Variants in DDX43 observed in about 807,000 individuals in gnomAD.
DDX43 encodes probable ATP-dependent RNA helicase DDX43.
In DDX43, 50 loss-of-function variants were observed where a neutral mutation model predicts 84.9. The ratio of observed to expected loss-of-function variants is 0.59; its 90% CI spans 0.47 to 0.75. DDX43 has a LOEUF of 0.75. Ranked by LOEUF, DDX43 falls within the 30% of genes least tolerant of loss-of-function variation. The probability of loss-of-function intolerance (pLI) is 0.00; values close to 1 mark genes in which losing one functional copy is unlikely to be tolerated. For missense variants in DDX43, 689 were observed against 798.6 expected, an observed-to-expected ratio of 0.86 and a Z score of 1.65; for synonymous variants, 291 against 266.3, an observed-to-expected ratio of 1.09 and a Z score of -0.90.
chr6:73,395,270 A>G (rs1769443087), intron 1 of DDX43, 115 bp downstream of exon 1: 8 of 1,296,174 alleles, frequency 6.2e-6, no homozygotes, highest in South Asian at 4.5e-5. Context: ...AGTGAGGTTC[A>G]GGTCTCTCCC....
chr6:73,409,143 G>A (rs1031616668), intron 9 of DDX43, 105 bp from the exon 10 acceptor site: 377 of 830,442 alleles, frequency 4.5e-4, no homozygotes, highest in East Asian at 2.1e-3. Context: ...AAGTAATAGG[G>A]GAAATGAGAA....
In DDX43 at chr6:73,412,519, A is replaced by T. The variant is rs1173741073; in HGVS notation, c.1368+227A>T. On this transcript the variant is annotated intron_variant, in intron 11 of 16. Coordinates refer to ENST00000370336, the MANE Select transcript of DDX43 (RefSeq NM_018665.3). ...TATGTATAGAGAGAGAGAGAGAGAGAGTGTGTGTGTGTGTGTGTTTGTGTC... is the reference window on the plus strand; with the variant it reads ...TATGTATAGAGAGAGAGAGAGAGAGTGTGTGTGTGTGTGTGTGTTTGTGTC... Among the ~76,000 whole-genome samples the T allele has an allele frequency of 1.5e-3, 230 of 149,772 alleles. No individual in the cohort carries two copies. Among genetic ancestry groups the T allele is most frequent in the South Asian group, 2.5e-3 (12 of 4,746 alleles).
chr6:73,404,130 T>C (rs1486585739), intron 4 of DDX43, among the ~76,000 whole-genome samples: 1 of 151,078 alleles, frequency 6.6e-6, no homozygotes, highest in Non-Finnish European at 1.5e-5. Context: ...CCTTTTTTTT[T>C]CTGAGACAGA....
At chr6:73,414,310 C>A (rs1024035365) in intron 13 of DDX43, among the ~76,000 whole-genome samples, 1 of 152,150 alleles carries the variant, frequency 6.6e-6, no homozygotes, top group Non-Finnish European at 1.5e-5. Context: ...GAAAATATAT[C>A]TGAAGTTATC....
intron 1 of DDX43, among the ~76,000 whole-genome samples, chr6:73,395,613 CA>C (rs1203373712): frequency 2.1e-5 from 3 of 140,238 alleles, no homozygotes; most frequent in Non-Finnish European, 3.0e-5. Context: ...GACTCCGTCT[CA>C]ATTAAAAAAA....
chr6:73,409,006 T>C (rs533046249), intron 9 of DDX43, among the ~76,000 whole-genome samples: 2 of 152,374 alleles, frequency 1.3e-5, no homozygotes, highest in East Asian at 3.9e-4. Context: ...TTGGATATTT[T>C]AGACACTTAA....
chr6:73,404,784 A>T lies in DDX43; in HGVS notation c.650+13A>T. ...CAGATAGTTGGAGGTGGGTAGTTTC[A>T]TTACCTAGTTGTGTAAGTATTTGTA... On this transcript the variant is annotated intron_variant, in intron 5 of 16. Coordinates refer to ENST00000370336, the MANE Select transcript of DDX43 (RefSeq NM_018665.3). The T allele has an allele frequency of 6.3e-7, 1 of 1,594,854 alleles. No homozygotes were observed. The highest frequency in any genetic ancestry group is 8.6e-7 in the Non-Finnish European group (1 of 1,164,128).
chr6:73,405,627 T>A, intron 5 of DDX43, 52 bp from the exon 6 acceptor site: 1 of 1,576,350 alleles, frequency 6.3e-7, no homozygotes, highest in Non-Finnish European at 8.7e-7. Context: ...GGAGAATGTC[T>A]TGCTTGGGGA....
chr6:73,417,461 A>G lies in DDX43; in HGVS notation c.*300A>G, dbSNP rs1426711031. On this transcript the variant is annotated 3_prime_UTR_variant, in exon 17 of 17. Coordinates refer to ENST00000370336, the MANE Select transcript of DDX43 (RefSeq NM_018665.3). ...TATGTCATAAGGCCAGTCTTTCAGA[A>G]TTTAATGTTCAGATTTTGTCATGGC... The G allele has an allele frequency of 1.3e-5, 2 of 152,204 alleles. No homozygotes were observed. Among genetic ancestry groups the G allele is most frequent in the Non-Finnish European group, 2.9e-5 (2 of 68,024 alleles). 9.4% of individuals were successfully genotyped at this position (152,204 alleles called of 1,614,324 possible).
At chr6:73,414,187 C>T (rs559344532) in intron 13 of DDX43, 108 bp downstream of exon 13, 7 of 688,880 alleles carry the variant, frequency 1.0e-5, no homozygotes, top group Non-Finnish European at 1.5e-5. Context: ...GATCTGTCCT[C>T]ACCTTCTGTA....
chr6:73,406,492 C>T lies in DDX43; in HGVS notation c.926+10C>T, dbSNP rs1190535246. 1 of 1,541,134 alleles carries T rather than the reference C, an allele frequency of 6.5e-7. No homozygotes were observed. Among genetic ancestry groups the T allele is most frequent in the Non-Finnish European group, 9.0e-7 (1 of 1,115,924 alleles). On this transcript the variant is annotated intron_variant, in intron 7 of 16. Coordinates refer to ENST00000370336, the MANE Select transcript of DDX43 (RefSeq NM_018665.3). ...TGGTCCTTCAACCCAGGTAAGAATT[C>T]CTATGGCTGGTTTCTTCTTATAGAG... is the stretch of plus-strand genomic sequence containing the variant.
chr6:73,401,922 A>G lies in DDX43; in HGVS notation c.500A>G (p.Asp167Gly), dbSNP rs772021767. ...ACAGATAACAATGTTGTTGCAGGAG[A>G]TCGGCCATTGATAGATTGGGATCAA... ...GSTDNNVVAG[D>G]RPLIDWDQIR... The change falls in exon 4 of 17, where the codon GAT becomes GGT. Residue 167 changes from aspartate (D) to glycine (G), a missense_variant. By Grantham distance (94) the Asp-to-Gly change is moderately conservative (BLOSUM62 -1). Around this residue, in one of 2 missense-constraint regions of DDX43, gnomAD observed 552 missense variants for 692.7 expected, o/e 0.80. Transcript: ENST00000370336. 2 of 1,614,070 alleles carry G rather than the reference A, an allele frequency of 1.2e-6. No homozygotes were observed. Among genetic ancestry groups the G allele is most frequent in the Non-Finnish European group, 1.7e-6 (2 of 1,180,018 alleles).
chr6:73,395,957 TTTTC>T (rs1282633456), intron 1 of DDX43, among the ~76,000 whole-genome samples: 1 of 151,986 alleles, frequency 6.6e-6, no homozygotes, highest in Admixed American at 6.6e-5. Context: ...TTTTTAATTT[TTTTC>T]TTTCTTTTGA....
chr6:73,395,189 G>A lies in DDX43; in HGVS notation c.250+34G>A, dbSNP rs748069267. The A allele has an allele frequency of 1.9e-5, 30 of 1,573,096 alleles. No homozygotes were observed. In the East Asian group the frequency reaches 7.1e-4, roughly 37 times the overall value. On this transcript the variant is annotated intron_variant, in intron 1 of 16. Transcript: ENST00000370336. ...GGGAGTGGCTGGCAGGGCAGGATAG[G>A]TGGGGCCAGGGGCGGAGCCTGGGCG...
intron 11 of DDX43, among the ~76,000 whole-genome samples, chr6:73,412,726 AGCGTGT>A (rs1417984239): frequency 2.6e-5 from 2 of 75,534 alleles, no homozygotes; most frequent in East Asian, 9.8e-4. Flanking sequence ...AGTGATATAT[AGCGTGT>A]GTGTGTGTGT....
At chr6:73,396,195 A>G (rs1398704015) in intron 1 of DDX43, among the ~76,000 whole-genome samples, 2 of 151,972 alleles carry the variant, frequency 1.3e-5, no homozygotes, top group East Asian at 1.9e-4. Context: ...CTGTGGATCC[A>G]CCCACCTCGG....
chr6:73,406,379 A>C lies in DDX43; in HGVS notation c.823A>C (p.Ile275Leu). The stretch of plus-strand genomic sequence containing the variant: ...TCCGTTTCAGTCACAGGCATGGCCC[A>C]TTGTGTTGCAAGGAATAGATCTTAT... ...PTPIQSQAWPIVLQGIDLIGV... is the reference protein window; with the variant it reads ...PTPIQSQAWPLVLQGIDLIGV... Residue 275 changes from isoleucine (I) to leucine (L), a missense_variant, in exon 7 of 17, where the codon ATT (isoleucine) becomes CTT (leucine). By Grantham distance (5) the Ile-to-Leu change is conservative. Transcript: ENST00000370336. 6.2e-7 allele frequency: 1 copy of C among 1,610,404 alleles called. No homozygotes were observed. The highest frequency in any genetic ancestry group is 8.5e-7 in the Non-Finnish European group (1 of 1,177,282).
chr6:73,397,427 T>TCC (rs1169184464), intron 1 of DDX43, among the ~76,000 whole-genome samples: 1 of 152,204 alleles, frequency 6.6e-6, no homozygotes, highest in African/African-American at 2.4e-5. Context: ...CTACATCCTC[T>TCC]CCACCAGTTT....
chr6:73,401,658 T>C (rs970017054), intron 3 of DDX43, among the ~76,000 whole-genome samples: 2 of 151,786 alleles, frequency 1.3e-5, no homozygotes, highest in African/African-American at 4.8e-5. Context: ...AAAAATTAGC[T>C]GGGCGTTGCG....
Sources: allele counts gnomAD v4.1 joint callset (sites outside exome capture counted in the v4.1 genomes callset), GRCh38; gene constraint gnomAD v4.1.1; regional missense constraint gnomAD v4.1.1; transcripts MANE v1.5; gene names NCBI Gene and HGNC (gene_info 2026-07-23, HGNC 2026-07-21).